CDC6: variants seen among roughly 807,000 people sequenced by gnomAD.
The protein encoded by CDC6 is cell division cycle 6.
In CDC6, 46 loss-of-function variants were observed where a neutral mutation model predicts 60.2. The observed-to-expected ratio is 0.76, with a 90% CI of 0.60 to 0.98. The LOEUF is 0.98. Ranked by LOEUF, CDC6 falls within the 50% of genes least tolerant of loss-of-function variation. The probability of loss-of-function intolerance (pLI) is 0.00; values close to 1 mark genes in which losing one functional copy is unlikely to be tolerated. For missense variants in CDC6, 596 were observed against 652.9 expected (o/e 0.91, Z 0.95); for synonymous variants, 210 against 233.2 (o/e 0.90, Z 0.90).
At chr17:40,293,868 A>C (rs2032812917) in intron 5 of CDC6, 82 bp from the exon 6 acceptor site, 7 of 1,233,690 alleles carry the variant, frequency 5.7e-6, no homozygotes, top group Non-Finnish European at 8.4e-6. Flanking sequence ...CAGCTTTAGG[A>C]AAGTGACCTG....
intron 7 of CDC6, 127 bp downstream of exon 7, chr17:40,294,630 C>T: frequency 1.2e-6 from 1 of 800,508 alleles, no homozygotes; most frequent in Non-Finnish European, 2.1e-6. Context: ...TCCTATGGAC[C>T]ATAGTGAGAA....
rs73983031 is a variant in CDC6 at position 40,300,459 on chromosome 17, T to C, written c.1250-369T>C. Among the ~76,000 whole-genome samples the C allele has an allele frequency of 2.3e-3, 351 of 152,256 alleles. 2 individuals carry two copies. The highest frequency in any genetic ancestry group is 8.1e-3 in the African/African-American group (336 of 41,548). On this transcript the variant is annotated intron_variant, in intron 9 of 11. Coordinates refer to ENST00000209728, the MANE Select transcript of CDC6 (RefSeq NM_001254.4). ...CTGCAGTGAGCCATGATAGTGCCAC[T>C]GTACTCCAGCCTGAGTGACAGAGAT... is the stretch of plus-strand genomic sequence containing the variant.
Position 40,301,548 on chromosome 17 carries a change from G to T in CDC6, c.1533G>T (p.Gly511=). The T allele has an allele frequency of 1.9e-6, 3 of 1,614,060 alleles. No individual in the cohort carries two copies. Among genetic ancestry groups the T allele is most frequent in the Non-Finnish European group, 2.5e-6 (3 of 1,179,882 alleles). Reference sequence around the variant, plus strand: ...AGTCAGAGTGTTTGTCACTTTCAGGGCTCTTGGAAGCCAGGGGCATTTTAG... The same window carrying T: ...AGTCAGAGTGTTTGTCACTTTCAGGTCTCTTGGAAGCCAGGGGCATTTTAG... ...VDQSECLSLS[G]LLEARGILGL... The change falls in exon 11 of 12, where the codon GGG becomes GGT. Residue 511 remains glycine, a synonymous_variant. Transcript: ENST00000209728.
At position 40,301,970 on chromosome 17, in the gene CDC6, T is replaced by C. The variant is rs2032946662; in HGVS notation, c.1652T>C (p.Ile551Thr). ...CATGCTCTGAAAGATAAAGCTTTAA[T>C]TGGAAATATCTTAGCTACTGGATTG... ...IEHALKDKALIGNILATGLP is the reference protein window; with the variant it reads ...IEHALKDKALTGNILATGLP Residue 551 changes from isoleucine (I) to threonine (T), a missense_variant, in exon 12 of 12, where the codon ATT (isoleucine) becomes ACT (threonine). Ile to Thr is a moderately conservative substitution (Grantham distance 89). Coordinates refer to ENST00000209728, the MANE Select transcript of CDC6 (RefSeq NM_001254.4). The C allele has an allele frequency of 4.4e-6, 7 of 1,595,366 alleles. No individual in the cohort carries two copies. Among genetic ancestry groups the C allele is most frequent in the African/African-American group, 1.3e-5 (1 of 74,560 alleles).
chr17:40,294,189 T>C (rs2143087635), intron 6 of CDC6, 133 bp downstream of exon 6: 2 of 933,334 alleles, frequency 2.1e-6, no homozygotes, highest in African/African-American at 1.6e-5. Flanking sequence ...TAAATGACTA[T>C]GTACATCTTA....
chr17:40,301,107 C>G, intron 10 of CDC6, 77 bp downstream of exon 10: 1 of 966,408 alleles, frequency 1.0e-6, no homozygotes, highest in Non-Finnish European at 1.7e-6. Flanking sequence ...TCCAAAAGGC[C>G]TATGATACTT....
Position 40,291,636 on chromosome 17 carries a change from G to T in CDC6, c.628G>T (p.Ala210Ser). 6.2e-7 allele frequency: 1 copy of T among 1,614,198 alleles called. No individual in the cohort carries two copies. The highest frequency in any genetic ancestry group is 8.5e-7 in the Non-Finnish European group (1 of 1,180,018). ...TGGTGCTCCTGGAACTGGAAAAACTGCCTGCTTAAGCCGGATTCTGCAAGA... is the reference window on the plus strand; with the variant it reads ...TGGTGCTCCTGGAACTGGAAAAACTTCCTGCTTAAGCCGGATTCTGCAAGA... Reference protein sequence around the residue: ...LSGAPGTGKTACLSRILQDLK... With the variant: ...LSGAPGTGKTSCLSRILQDLK... The change falls in exon 4 of 12, where the codon GCC becomes TCC. Residue 210 changes from alanine to serine, a missense_variant. Physicochemically the swap from Ala to Ser is moderately conservative, Grantham distance 99. Transcript: ENST00000209728.
At chr17:40,293,008 G>A (rs1177870658) in intron 4 of CDC6, among the ~76,000 whole-genome samples, 1 of 152,086 alleles carries the variant, frequency 6.6e-6, no homozygotes, top group Non-Finnish European at 1.5e-5. Flanking sequence ...GGAGGCTGAG[G>A]CAGGTGGATC....
chr17:40,300,748 T>C (rs551165574), intron 9 of CDC6, 80 bp from the exon 10 acceptor site: 2 of 1,118,302 alleles, frequency 1.8e-6, no homozygotes, highest in Non-Finnish European at 2.7e-6. Context: ...TAGCTCAAAC[T>C]TAGTATCATC....
At chr17:40,296,811 C>A in intron 9 of CDC6, 44 bp downstream of exon 9, 1 of 1,227,358 alleles carries the variant, frequency 8.1e-7, no homozygotes, top group Non-Finnish European at 1.2e-6. Context: ...TAACTAGAAG[C>A]TTAGCTTTTC....
chr17:40,302,425 G>T lies in CDC6; in HGVS notation c.*424G>T. 1 of 205,092 alleles carries T rather than the reference G, an allele frequency of 4.9e-6. No homozygotes were observed. The highest frequency in any genetic ancestry group is 7.2e-5 in the South Asian group (1 of 13,810). 12.7% of individuals were successfully genotyped at this position (205,092 alleles called of 1,614,324 possible). The stretch of plus-strand genomic sequence containing the variant: ...GCTGGAGTGCAATGGCGCGTTCTCT[G>T]CTCACTACAGCACCCGCTTCCCAGG... On this transcript the variant is annotated 3_prime_UTR_variant, in exon 12 of 12. Coordinates refer to ENST00000209728, the MANE Select transcript of CDC6 (RefSeq NM_001254.4).
chr17:40,295,374 C>A lies in CDC6; in HGVS notation c.1102C>A (p.Leu368Met), dbSNP rs888632651. ...TCTGAAGGTATCTAGAGATCAGGTT[C>A]TGGACAATGCTGCAGTTCAATTCTG... is the stretch of plus-strand genomic sequence containing the variant. ...RLNQVSRDQV[L>M]DNAAVQFCAR... is the part of the protein sequence containing the mutation. Residue 368 changes from leucine (L) to methionine (M), a missense_variant, in exon 8 of 12, where the codon CTG becomes ATG. Physicochemically the swap from Leu to Met is conservative, Grantham distance 15 (BLOSUM62 2). Transcript: ENST00000209728. 6.2e-7 allele frequency: 1 copy of A among 1,612,102 alleles called. No homozygotes were observed. Among genetic ancestry groups the A allele is most frequent in the Non-Finnish European group, 8.5e-7 (1 of 1,178,532 alleles).
intron 8 of CDC6, 96 bp from the exon 9 acceptor site, chr17:40,296,607 T>A: frequency 2.7e-6 from 2 of 746,624 alleles, no homozygotes; most frequent in Non-Finnish European, 4.9e-6. Flanking sequence ...GTTGCAGTCT[T>A]TGAGCAATGG....
chr17:40,295,279 ATATT>A, intron 7 of CDC6, 73 bp from the exon 8 acceptor site: 1 of 976,772 alleles, frequency 1.0e-6, no homozygotes, highest in Non-Finnish European at 1.7e-6. Flanking sequence ...AAATGTGAAA[ATATT>A]TATGCTTGGG....
intron 9 of CDC6, among the ~76,000 whole-genome samples, chr17:40,300,451 A>T (rs2032922964): frequency 6.6e-6 from 1 of 152,110 alleles, no homozygotes; most frequent in South Asian, 2.1e-4. Context: ...GAGCCATGAT[A>T]GTGCCACTGT....
chr17:40,300,773 T>TACAC (rs900621628), intron 9 of CDC6, 55 bp from the exon 10 acceptor site: 1 of 1,305,802 alleles, frequency 7.7e-7, no homozygotes. Flanking sequence ...TCATCATACA[T>TACAC]ACACACACAC....
intron 9 of CDC6, among the ~76,000 whole-genome samples, chr17:40,298,397 CT>C (rs5820344): frequency 9.9e-4 from 144 of 145,384 alleles, no homozygotes; most frequent in Middle Eastern, 7.1e-3. Flanking sequence ...TTTTTTCTTT[CT>C]TTTTTTTTTT....
At chr17:40,299,243 G>C (rs184438220) in intron 9 of CDC6, among the ~76,000 whole-genome samples, 40 of 145,642 alleles carry the variant, frequency 2.7e-4, no homozygotes, top group African/African-American at 1.0e-3. Context: ...CTCCTCCCAG[G>C]CTCAAGCCAT....
chr17:40,301,736 T>A (rs1218109603), intron 11 of CDC6, 128 bp downstream of exon 11: 1 of 1,075,170 alleles, frequency 9.3e-7, no homozygotes, highest in Non-Finnish European at 1.4e-6. Context: ...TAGGTAAGGT[T>A]TAAGGTGTGT....
Sources: gnomAD v4.1 joint callset for allele counts (sites outside exome capture counted in the v4.1 genomes callset) on GRCh38, gnomAD v4.1.1 for gene constraint, MANE v1.5 for transcripts, NCBI Gene and HGNC (gene_info 2026-07-23, HGNC 2026-07-21) for gene names.